FAM117B: variants seen among roughly 807,000 people sequenced by gnomAD.
FAM117B encodes protein FAM117B.
FAM117B carries 22 observed loss-of-function variants against 52.8 expected under a neutral mutation model. That is an observed-to-expected ratio of 0.42 (90% CI 0.30 to 0.59). The LOEUF (loss-of-function observed/expected upper bound fraction) is 0.59, where lower values mean the gene tolerates loss of function less well. Among genes scored for constraint, FAM117B ranks in the 20% least tolerant of loss-of-function variants. The pLI, the probability that FAM117B is intolerant of heterozygous loss-of-function variation, is 0.22. For missense variants in FAM117B, 678 were observed against 802.6 expected (o/e 0.84, Z 1.88); for synonymous variants, 309 against 324.1 (o/e 0.95, Z 0.50).
chr2:202,663,297 C>T (rs1243535754), intron 1 of FAM117B, among the ~76,000 whole-genome samples: 1 of 152,190 alleles, frequency 6.6e-6, no homozygotes, highest in African/African-American at 2.4e-5. Context: ...CTTTTGAATT[C>T]TGACTGTGCA....
At chr2:202,695,774 G>GGATTACCATA (rs1028960163) in intron 1 of FAM117B, 107 bp from the exon 2 acceptor site, 11 of 1,219,498 alleles carry the variant, frequency 9.0e-6, no homozygotes, top group Non-Finnish European at 1.2e-5. Context: ...TGGTTAAAGG[G>GGATTACCATA]GATTACCATA....
chr2:202,721,392 A>G (rs552801886), intron 2 of FAM117B, among the ~76,000 whole-genome samples: 25 of 152,258 alleles, frequency 1.6e-4, no homozygotes, highest in African/African-American at 5.5e-4. Context: ...TTCTGTTTCT[A>G]TCCTCTGTTT....
chr2:202,671,690 T>C (rs1690300480), intron 1 of FAM117B, among the ~76,000 whole-genome samples: 1 of 152,264 alleles, frequency 6.6e-6, no homozygotes, highest in South Asian at 2.1e-4. Context: ...ATTTTTCCTT[T>C]GATTTTGATT....
chr2:202,706,080 C>T (rs1479925963), intron 2 of FAM117B, among the ~76,000 whole-genome samples: 3 of 152,140 alleles, frequency 2.0e-5, no homozygotes, highest in Non-Finnish European at 4.4e-5. Context: ...TGGCTATTCA[C>T]AGGCATAATC....
At chr2:202,742,982 C>A (rs746970977) in intron 4 of FAM117B, among the ~76,000 whole-genome samples, 5 of 152,170 alleles carry the variant, frequency 3.3e-5, no homozygotes, top group Non-Finnish European at 4.4e-5. Context: ...ACTCAGTCCA[C>A]CACTGCTACT....
chr2:202,721,806 T>C (rs544769613), intron 2 of FAM117B, among the ~76,000 whole-genome samples: 15 of 151,932 alleles, frequency 9.9e-5, no homozygotes, highest in Non-Finnish European at 1.2e-4. Context: ...GCTAATTTTT[T>C]ACATTTTTTT....
rs567261458 is a variant in FAM117B, at chr2:202,737,444, C to G, written c.960+11081C>G. On this transcript the variant is annotated intron_variant, in intron 4 of 7. Transcript: ENST00000392238. ...TATACATGCTTCCCCCATCCCTAAT[C>G]TCTTGTAAGCACTGCTCTGTTCTCC... is the stretch of plus-strand genomic sequence containing the variant. Among the ~76,000 whole-genome samples the G allele has an allele frequency of 4.2e-4, 64 of 152,270 alleles. 2 individuals are homozygous for G. The South Asian group carries it at 0.013, about 31-fold the overall frequency.
At chr2:202,709,555 C>T (rs1240444149) in intron 2 of FAM117B, among the ~76,000 whole-genome samples, 7 of 152,046 alleles carry the variant, frequency 4.6e-5, no homozygotes, top group Non-Finnish European at 7.4e-5. Context: ...GTGTTTCTTA[C>T]GTATTTTGGA....
chr2:202,674,577 C>CA (rs1194093311), intron 1 of FAM117B, among the ~76,000 whole-genome samples: 2 of 152,228 alleles, frequency 1.3e-5, no homozygotes, highest in Admixed American at 1.3e-4. Context: ...CCGGTACTAC[C>CA]AACGTCTTGA....
At chr2:202,689,026 C>T (rs1051824861) in intron 1 of FAM117B, among the ~76,000 whole-genome samples, 2 of 152,106 alleles carry the variant, frequency 1.3e-5, no homozygotes, top group African/African-American at 2.4e-5. Flanking sequence ...AATAGGTTCT[C>T]GACATACCCT....
At chr2:202,675,342 A>G (rs1485089434) in intron 1 of FAM117B, among the ~76,000 whole-genome samples, 2 of 146,730 alleles carry the variant, frequency 1.4e-5, no homozygotes, top group Non-Finnish European at 3.0e-5. Flanking sequence ...GCTACTTGGG[A>G]GGCTGAGGAG....
rs182000384 is a variant in FAM117B at position 202,697,676 on chromosome 2, G to A, written c.753+1644G>A. 7.3e-5 allele frequency among the ~76,000 whole-genome samples: 11 copies of A among 151,250 alleles called. No individual in the cohort carries two copies. In the East Asian group the frequency reaches 2.1e-3, roughly 29 times the overall value. Reference sequence around the variant, plus strand: ...AGCGATTCTCATGCCTCAGCCTCCCGAGGAGCTGGACTACAGGCGTGCACC... The same window carrying A: ...AGCGATTCTCATGCCTCAGCCTCCCAAGGAGCTGGACTACAGGCGTGCACC... On this transcript the variant is annotated intron_variant, in intron 2 of 7. Coordinates refer to ENST00000392238, the MANE Select transcript of FAM117B (RefSeq NM_173511.4).
intron 2 of FAM117B, among the ~76,000 whole-genome samples, chr2:202,711,179 GTGTA>G (rs1690951524): frequency 6.6e-6 from 1 of 152,146 alleles, no homozygotes; most frequent in Non-Finnish European, 1.5e-5. Flanking sequence ...CCTGCCAACA[GTGTA>G]TGAGGGTTCC....
intron 1 of FAM117B, among the ~76,000 whole-genome samples, chr2:202,637,824 A>G (rs2105749884): frequency 6.6e-6 from 1 of 151,998 alleles, no homozygotes; most frequent in South Asian, 2.1e-4. Context: ...GTAAGATAGA[A>G]TGTGGGAAAT....
rs959632351 is a variant in FAM117B at position 202,668,192 on chromosome 2, ATATT to A, written c.602-27685_602-27682del. 6.1e-4 allele frequency among the ~76,000 whole-genome samples: 88 copies of A among 144,330 alleles called. 1 individual carries two copies. The highest frequency in any genetic ancestry group is 2.1e-3 in the African/African-American group (81 of 39,152). 94.7% of individuals were successfully genotyped at this position (144,330 alleles called of 152,430 possible). A position where few individuals can be genotyped will look rare whatever the true frequency, so the allele number is the denominator to read the frequency against. The stretch of plus-strand genomic sequence containing the variant: ...ACATACATATTATATTATATAATAT[ATATT>A]TATATATTTTTATATAATATACAAT... On this transcript the variant is annotated intron_variant, in intron 1 of 7. Coordinates refer to ENST00000392238, the MANE Select transcript of FAM117B (RefSeq NM_173511.4).
intron 1 of FAM117B, among the ~76,000 whole-genome samples, chr2:202,690,923 A>G (rs960783065): frequency 3.3e-5 from 5 of 152,182 alleles, no homozygotes; most frequent in Non-Finnish European, 7.3e-5. Flanking sequence ...TTGGATTGAA[A>G]TGGAAAAATG....
rs1689663801 is a variant in FAM117B, at chr2:202,635,422, G to T, written c.235G>T (p.Gly79Cys). The T allele has an allele frequency of 1.6e-6, 2 of 1,238,054 alleles. No individual in the cohort carries two copies. Among genetic ancestry groups the T allele is most frequent in the East Asian group, 6.5e-5 (2 of 30,978 alleles). The allele number at this position is 1,238,054 out of a possible 1,614,324, so 76.7% of individuals were successfully genotyped here. A position where few individuals can be genotyped will look rare whatever the true frequency, so the allele number is the denominator to read the frequency against. ...CCGGASGPAG[G>C]GGGGGPRTAS... Reference sequence around the variant, plus strand: ...TGGTGGCGCCTCAGGCCCCGCAGGCGGCGGCGGCGGCGGTGGCCCGCGCAC... The same window carrying T: ...TGGTGGCGCCTCAGGCCCCGCAGGCTGCGGCGGCGGCGGTGGCCCGCGCAC... The change falls in exon 1 of 8, where the codon GGC (glycine) becomes TGC (cysteine). Residue 79 changes from glycine to cysteine, a missense_variant. This residue lies in a region of FAM117B where 583 missense variants were observed against 644.8 expected (regional missense o/e 0.90). Transcript: ENST00000392238.
chr2:202,670,450 C>T (rs1296258709), intron 1 of FAM117B, among the ~76,000 whole-genome samples: 1 of 152,074 alleles, frequency 6.6e-6, no homozygotes, highest in East Asian at 1.9e-4. Flanking sequence ...CCACCATGCC[C>T]AGCTAATTTT....
chr2:202,694,188 C>CTTTTTTTTTTTCTTTTTTT (rs1690674511), intron 1 of FAM117B, among the ~76,000 whole-genome samples: 1 of 99,098 alleles, frequency 1.0e-5, no homozygotes, highest in African/African-American at 4.4e-5. Flanking sequence ...AAACCCACTT[C>CTTTTTTTTTTTCTTTTTTT]TTTTTTTTTT....
Sources: allele counts gnomAD v4.1 joint callset (sites outside exome capture counted in the v4.1 genomes callset), GRCh38; gene constraint gnomAD v4.1.1; regional missense constraint gnomAD v4.1.1; transcripts MANE v1.5; gene names NCBI Gene and HGNC (gene_info 2026-07-23, HGNC 2026-07-21).